The following NYAP2 variants were observed in gnomAD, a reference collection of about 807,000 sequenced individuals.
NYAP2 encodes the protein neuronal tyrosine-phosphorylated phosphoinositide-3-kinase adapter 2.
A neutral mutation model predicts 50.4 loss-of-function variants in NYAP2; 23 were observed. The observed-to-expected ratio is 0.46, with a 90% confidence interval of 0.33 to 0.65. The LOEUF is 0.65. NYAP2 is among the 30% of genes least tolerant of loss of function. The pLI is 0.02. For missense variants in NYAP2, 885 were observed against 861.0 expected (o/e 1.03, Z -0.35); for synonymous variants, 394 against 365.2 (o/e 1.08, Z -0.90).
At chr2:225,423,911 C>T (rs1426223305) in intron 3 of NYAP2, among the ~76,000 whole-genome samples, 1 of 152,078 alleles carries the variant, frequency 6.6e-6, no homozygotes, top group Non-Finnish European at 1.5e-5. Flanking sequence ...ATACCTGCAT[C>T]ATGAAGGTAT....
At chr2:225,419,153 G>T (rs1223301194) in intron 3 of NYAP2, among the ~76,000 whole-genome samples, 1 of 152,198 alleles carries the variant, frequency 6.6e-6, no homozygotes, top group Admixed American at 6.5e-5. Context: ...CACACACTCG[G>T]CTGCTTTCCA....
intron 4 of NYAP2, among the ~76,000 whole-genome samples, chr2:225,526,402 G>A (rs961199926): frequency 6.6e-6 from 1 of 152,180 alleles, no homozygotes; most frequent in African/African-American, 2.4e-5. Context: ...GTAGGGGAGG[G>A]TGGTTAAGAC....
chr2:225,566,373 G>A lies in NYAP2; in HGVS notation c.524-15568G>A, dbSNP rs2106218940. On this transcript the variant is annotated intron_variant, in intron 4 of 6. Transcript: ENST00000636099. ...CATTTCTGTCTTTTTATCACAACCA[G>A]GACAGACTTCCAAAGGATAATCCTC... Among the ~76,000 whole-genome samples the A allele has an allele frequency of 2.0e-5, 3 of 152,220 alleles. No individual in the cohort carries two copies. The South Asian group carries it at 6.2e-4, about 32-fold the overall frequency.
intron 3 of NYAP2, among the ~76,000 whole-genome samples, chr2:225,451,679 C>T (rs574276514): frequency 2.6e-5 from 4 of 152,252 alleles, no homozygotes; most frequent in East Asian, 3.9e-4. Context: ...ACTTACTTTA[C>T]GCAGGTACAA....
At chr2:225,475,802 A>C (rs1574633706) in intron 3 of NYAP2, among the ~76,000 whole-genome samples, 1 of 152,186 alleles carries the variant, frequency 6.6e-6, no homozygotes, top group African/African-American at 2.4e-5. Context: ...GAAACTGACA[A>C]ATATACTTGT....
intron 3 of NYAP2, among the ~76,000 whole-genome samples, chr2:225,487,765 CATAGATAT>C (rs1236587499): frequency 6.6e-6 from 1 of 152,200 alleles, no homozygotes; most frequent in South Asian, 2.1e-4. Context: ...GATGTTTGTT[CATAGATAT>C]ATAGATATAT....
chr2:225,519,631 G>A (rs373962138), intron 4 of NYAP2, among the ~76,000 whole-genome samples: 88 of 152,098 alleles, frequency 5.8e-4, no homozygotes, highest in Non-Finnish European at 5.4e-4. Context: ...ATAGTATTCC[G>A]TGGTGTATAT....
the NYAP2 span, chr2:225,702,429 G>A: frequency 6.6e-6 from 1 of 151,594 alleles, no homozygotes; most frequent in East Asian, 1.9e-4. Context: ...GCTTAATTAT[G>A]CAATCATCAA....
chr2:225,448,753 TTG>T lies in NYAP2; in HGVS notation c.221+39654_221+39655del, dbSNP rs1353079674. On this transcript the variant is annotated intron_variant, in intron 3 of 6. Transcript: ENST00000636099. ...AGAAGCACTGAACGGTGACAAGCCA[TTG>T]TCTTTGTCATGCTCCAGAATCAAAA... Among the ~76,000 whole-genome samples, 6 of 152,182 alleles carry T rather than the reference TTG, an allele frequency of 3.9e-5. No homozygotes were observed. In the East Asian group the frequency reaches 1.2e-3, roughly 29 times the overall value.
intron 4 of NYAP2, among the ~76,000 whole-genome samples, chr2:225,529,687 A>C (rs1462893331): frequency 6.6e-6 from 1 of 150,576 alleles, no homozygotes; most frequent in Non-Finnish European, 1.5e-5. Flanking sequence ...TCGTCTTTCC[A>C]ACTCAGTGTT....
the NYAP2 span, among the ~76,000 whole-genome samples, chr2:225,692,559 A>G: frequency 1.3e-5 from 2 of 152,118 alleles, no homozygotes; most frequent in African/African-American, 4.8e-5. Flanking sequence ...ATAAAGTGTG[A>G]CGTGTGTAGC....
chr2:225,564,020 T>A (rs867091606), intron 4 of NYAP2, among the ~76,000 whole-genome samples: 70 of 152,092 alleles, frequency 4.6e-4, no homozygotes, highest in African/African-American at 1.6e-3. Flanking sequence ...ATCCATGTCA[T>A]CTTGATGGCA....
intron 2 of NYAP2, among the ~76,000 whole-genome samples, chr2:225,404,410 G>A (rs1250610136): frequency 6.6e-6 from 1 of 151,886 alleles, no homozygotes; most frequent in Admixed American, 6.6e-5. Context: ...TGTATATAAT[G>A]GGTAGTTTTA....
chr2:225,594,381 G>T (rs1692561130), intron 5 of NYAP2, among the ~76,000 whole-genome samples: 1 of 151,980 alleles, frequency 6.6e-6, no homozygotes, highest in Non-Finnish European at 1.5e-5. Context: ...AAAATTAGTT[G>T]GGTGTGGTGG....
intron 3 of NYAP2, among the ~76,000 whole-genome samples, chr2:225,446,244 CTCTATATATATATATA>C (rs1341276810): frequency 9.6e-4 from 108 of 112,146 alleles, no homozygotes; most frequent in Non-Finnish European, 1.5e-3. Context: ...CTCTCTCTCT[CTCTATATATATATATA>C]TATATATATA....
chr2:225,558,862 A>G (rs1691820300), intron 4 of NYAP2, among the ~76,000 whole-genome samples: 1 of 152,116 alleles, frequency 6.6e-6, no homozygotes, highest in African/African-American at 2.4e-5. Context: ...AAGAACACTC[A>G]TGTTTTCCTA....
the NYAP2 span, among the ~76,000 whole-genome samples, chr2:225,661,287 T>C: frequency 6.6e-6 from 1 of 152,206 alleles, no homozygotes; most frequent in Non-Finnish European, 1.5e-5. Flanking sequence ...GAATAATAAA[T>C]ATGTCTTTGC....
rs1695336808 is a variant in NYAP2 at position 225,429,601 on chromosome 2, CTG to C, written c.221+20501_221+20502del. Among the ~76,000 whole-genome samples the C allele has an allele frequency of 2.6e-5, 4 of 152,022 alleles. No homozygotes were observed. The South Asian group carries it at 8.3e-4, about 32-fold the overall frequency. ...CATAGCAAAAGAGAAAACAATAAAA[CTG>C]AGGTTAATATATTTATTTAATTGTA... On this transcript the variant is annotated intron_variant, in intron 3 of 6. Transcript: ENST00000636099.
chr2:225,568,622 T>G (rs931088527), intron 4 of NYAP2, among the ~76,000 whole-genome samples: 2 of 152,184 alleles, frequency 1.3e-5, no homozygotes, highest in African/African-American at 2.4e-5. Flanking sequence ...CCCTAATGAT[T>G]TAGCTAAGAT....
Sources: allele counts gnomAD v4.1 joint callset (sites outside exome capture counted in the v4.1 genomes callset), GRCh38; gene constraint gnomAD v4.1.1; transcripts MANE v1.5; gene names NCBI Gene and HGNC (gene_info 2026-07-23, HGNC 2026-07-21).